The following CSMD3 variants were observed in gnomAD, a reference collection of about 807,000 sequenced individuals.
CSMD3 encodes CUB and Sushi multiple domains 3.
CSMD3 carries 177 observed loss-of-function variants against 435.2 expected under a neutral mutation model. That is an observed-to-expected ratio of 0.41 (90% CI 0.36 to 0.46). The LOEUF (loss-of-function observed/expected upper bound fraction) is 0.46, where lower values mean the gene tolerates loss of function less well. Among genes scored for constraint, CSMD3 ranks in the 20% least tolerant of loss-of-function variants. The probability of loss-of-function intolerance (pLI) is 0.34; values close to 1 mark genes in which losing one functional copy is unlikely to be tolerated. For missense variants in CSMD3, 4,265 were observed against 4,504.6 expected, an observed-to-expected ratio of 0.95 and a Z score of 1.52; for synonymous variants, 1,656 against 1,520.5, an observed-to-expected ratio of 1.09 and a Z score of -2.07.
rs775939123 is a variant in CSMD3 at position 112,682,628 on chromosome 8, G to A, written c.2491C>T (p.His831Tyr). 1.2e-6 allele frequency: 2 copies of A among 1,608,490 alleles called. No homozygotes were observed. The highest frequency in any genetic ancestry group is 1.7e-6 in the Non-Finnish European group (2 of 1,174,934). The change falls in exon 16 of 71, where the codon CAT (histidine) becomes TAT (tyrosine). Residue 831 changes from histidine to tyrosine, a missense_variant. Transcript: ENST00000297405. ...ATTCCAGGATCAGGGCATTCATTAT[G>A]TCCAAATGCTTTAGAATAATATGCA... The part of the protein sequence containing the change: ...GFNITYNTFG[H>Y]NECPDPGIPI...
At chr8:112,719,841 A>C (rs907422008) in intron 13 of CSMD3, among the ~76,000 whole-genome samples, 2 of 152,242 alleles carry the variant, frequency 1.3e-5, no homozygotes, top group Non-Finnish European at 2.9e-5. Flanking sequence ...TATTTGAAAT[A>C]TCTTTCAGCA....
intron 4 of CSMD3, among the ~76,000 whole-genome samples, chr8:113,145,740 T>C (rs1276221913): frequency 6.6e-6 from 1 of 151,602 alleles, no homozygotes; most frequent in Admixed American, 6.6e-5. Flanking sequence ...ATTTCCATTT[T>C]CTAGATTGGT....
intron 18 of CSMD3, 148 bp from the exon 19 acceptor site, chr8:112,650,497 A>G: frequency 1.4e-6 from 1 of 715,576 alleles, no homozygotes; most frequent in Non-Finnish European, 2.4e-6. Context: ...CAATTTATTT[A>G]ATAAATTTGT....
At chr8:112,783,508 A>AAGGG (rs1210141518) in intron 13 of CSMD3, among the ~76,000 whole-genome samples, 5 of 79,618 alleles carry the variant, frequency 6.3e-5, no homozygotes, top group African/African-American at 1.9e-4. Context: ...GGGAGGGAGG[A>AAGGG]AGGGAGGGAG....
intron 13 of CSMD3, among the ~76,000 whole-genome samples, chr8:112,781,031 T>C (rs1025626655): frequency 2.0e-5 from 3 of 151,400 alleles, no homozygotes; most frequent in African/African-American, 4.9e-5. Context: ...CTCCAGGCAA[T>C]GCAGCTCCAG....
intron 1 of CSMD3, among the ~76,000 whole-genome samples, chr8:113,365,792 G>A (rs926525980): frequency 6.6e-6 from 1 of 151,920 alleles, no homozygotes; most frequent in South Asian, 2.1e-4. Flanking sequence ...GTGTCGTTCT[G>A]TTATAATCAT....
Position 112,685,668 on chromosome 8 carries a change from C to T in CSMD3, c.2220G>A (p.Gly740=), listed in dbSNP as rs750378889. 4 of 1,613,520 alleles carry T rather than the reference C, an allele frequency of 2.5e-6. No individual in the cohort carries two copies. The highest frequency in any genetic ancestry group is 3.4e-6 in the Non-Finnish European group (4 of 1,179,632). The part of the protein sequence containing the change: ...GTVLSPDYPE[G]YGNNLNCIWT... ...AGATGCAATTTAAATTATTTCCATA[C>T]CCTTCTGGGTAATCAGGAGAAAGAA... Residue 740 remains glycine (G), a synonymous_variant, in exon 15 of 71, where the codon GGG becomes GGA. Transcript: ENST00000297405.
intron 1 of CSMD3, among the ~76,000 whole-genome samples, chr8:113,390,398 A>G (rs929016924): frequency 2.0e-5 from 3 of 151,810 alleles, no homozygotes; most frequent in Non-Finnish European, 4.4e-5. Flanking sequence ...ATATTTTTAT[A>G]CTTTAGGACC....
chr8:113,154,951 A>C (rs749154166), intron 4 of CSMD3, among the ~76,000 whole-genome samples: 13 of 152,050 alleles, frequency 8.5e-5, no homozygotes, highest in Non-Finnish European at 1.8e-4. Flanking sequence ...CATTTTCCTC[A>C]GAAAGTTAAA....
chr8:113,193,974 A>G (rs1414164020), intron 3 of CSMD3, among the ~76,000 whole-genome samples: 1 of 151,420 alleles, frequency 6.6e-6, no homozygotes, highest in African/African-American at 2.4e-5. Flanking sequence ...TGTACACACT[A>G]TGTGTCTAAA....
At chr8:112,464,033 G>A (rs982892188) in intron 32 of CSMD3, among the ~76,000 whole-genome samples, 4 of 151,970 alleles carry the variant, frequency 2.6e-5, no homozygotes, top group Non-Finnish European at 4.4e-5. Flanking sequence ...TCAGGAGATC[G>A]AGACCATCCT....
At chr8:113,132,380 G>T (rs781071533) in intron 4 of CSMD3, among the ~76,000 whole-genome samples, 1 of 151,916 alleles carries the variant, frequency 6.6e-6, no homozygotes, top group Admixed American at 6.6e-5. Context: ...ATTGAGGGAG[G>T]GGCCTGGTGG....
intron 5 of CSMD3, among the ~76,000 whole-genome samples, chr8:113,069,727 G>A (rs907890319): frequency 6.6e-6 from 1 of 152,066 alleles, no homozygotes; most frequent in Non-Finnish European, 1.5e-5. Flanking sequence ...TCGCCCTCTT[G>A]CAGTTAGGCA....
At chr8:112,745,160 A>G (rs2077398145) in intron 13 of CSMD3, among the ~76,000 whole-genome samples, 1 of 152,042 alleles carries the variant, frequency 6.6e-6, no homozygotes, top group Non-Finnish European at 1.5e-5. Flanking sequence ...GAGAGTGGGA[A>G]TAACTGTGAC....
chr8:113,221,246 G>A (rs535056965), intron 3 of CSMD3, among the ~76,000 whole-genome samples: 6 of 151,010 alleles, frequency 4.0e-5, no homozygotes, highest in Non-Finnish European at 8.9e-5. Flanking sequence ...CTCTGATAAT[G>A]TACGAAAATG....
chr8:112,814,470 C>G (rs2079315981), intron 12 of CSMD3, among the ~76,000 whole-genome samples: 1 of 152,100 alleles, frequency 6.6e-6, no homozygotes, highest in South Asian at 2.1e-4. Flanking sequence ...CACTTGATCT[C>G]TAAGGCCATT....
intron 1 of CSMD3, among the ~76,000 whole-genome samples, chr8:113,420,814 T>A (rs1167265183): frequency 6.6e-6 from 1 of 151,742 alleles, no homozygotes; most frequent in East Asian, 1.9e-4. Context: ...CAGGGCTTGG[T>A]GTCAGGCACC....
At chr8:113,360,782 C>T (rs1042752746) in intron 1 of CSMD3, among the ~76,000 whole-genome samples, 6 of 151,704 alleles carry the variant, frequency 4.0e-5, no homozygotes, top group African/African-American at 1.2e-4. Flanking sequence ...ACCTTGTTAG[C>T]CAGGATGGTC....
intron 1 of CSMD3, among the ~76,000 whole-genome samples, chr8:113,389,990 C>A (rs1014014342): frequency 6.6e-6 from 1 of 151,716 alleles, no homozygotes; most frequent in African/African-American, 2.4e-5. Flanking sequence ...GTTTCATTTT[C>A]TTTATCCTAG....
Sources: gnomAD v4.1 joint callset for allele counts (sites outside exome capture counted in the v4.1 genomes callset) on GRCh38, gnomAD v4.1.1 for gene constraint, MANE v1.5 for transcripts, NCBI Gene and HGNC (gene_info 2026-07-23, HGNC 2026-07-21) for gene names.